Variants in CAMK1D observed in about 807,000 individuals in gnomAD.
The protein encoded by CAMK1D is calcium/calmodulin-dependent protein kinase type 1D.
CAMK1D carries 9 observed loss-of-function variants against 47.7 expected under a neutral mutation model. The ratio of observed to expected loss-of-function variants is 0.19; its 90% CI spans 0.11 to 0.33. CAMK1D has a LOEUF of 0.33. Among genes scored for constraint, CAMK1D ranks in the 10% least tolerant of loss-of-function variants. The probability of loss-of-function intolerance (pLI) is 1.00; values close to 1 mark genes in which losing one functional copy is unlikely to be tolerated. For synonymous variants in CAMK1D, 184 were observed against 184.9 expected, an observed-to-expected ratio of 0.99 and a Z score of 0.04; for missense variants, 291 against 488.7, an observed-to-expected ratio of 0.60 and a Z score of 3.81.
chr10:12,397,616 G>A (rs978685252), intron 1 of CAMK1D, among the ~76,000 whole-genome samples: 1 of 152,094 alleles, frequency 6.6e-6, no homozygotes, highest in African/African-American at 2.4e-5. Flanking sequence ...TGTGACCCTG[G>A]GGCCTAGGTG....
At chr10:12,439,733 T>C (rs1258216532) in intron 1 of CAMK1D, among the ~76,000 whole-genome samples, 2 of 152,224 alleles carry the variant, frequency 1.3e-5, no homozygotes, top group Non-Finnish European at 2.9e-5. Flanking sequence ...GGAAAGACCT[T>C]AGTGGCCTAG....
intron 3 of CAMK1D, among the ~76,000 whole-genome samples, chr10:12,724,783 C>G (rs1201071275): frequency 6.6e-6 from 1 of 151,966 alleles, no homozygotes; most frequent in African/African-American, 2.4e-5. Context: ...TGGGTCTAGC[C>G]AGGTGACAGA....
chr10:12,515,453 A>T (rs1835176222), intron 1 of CAMK1D, among the ~76,000 whole-genome samples: 1 of 85,472 alleles, frequency 1.2e-5, no homozygotes, highest in South Asian at 4.0e-4. Flanking sequence ...GTTTTAGGGT[A>T]CACGTGCACA....
chr10:12,821,829 G>T (rs1039554687), intron 8 of CAMK1D, among the ~76,000 whole-genome samples: 19 of 152,092 alleles, frequency 1.2e-4, no homozygotes, highest in African/African-American at 4.1e-4. Flanking sequence ...ACAAAAATGA[G>T]CCTGGCATGG....
intron 8 of CAMK1D, among the ~76,000 whole-genome samples, chr10:12,816,714 C>CA (rs1330678147): frequency 3.3e-5 from 5 of 150,778 alleles, no homozygotes; most frequent in African/African-American, 4.9e-5. Context: ...ACTAAAAATA[C>CA]AAAAAAAATT....
At chr10:12,631,337 G>A (rs1483341449) in intron 2 of CAMK1D, among the ~76,000 whole-genome samples, 1 of 152,178 alleles carries the variant, frequency 6.6e-6, no homozygotes, top group Non-Finnish European at 1.5e-5. Context: ...CTAGCTTGCT[G>A]CAGCATGCCT....
intron 1 of CAMK1D, among the ~76,000 whole-genome samples, chr10:12,515,430 C>CTTTTTTTTTTTTTA (rs55728182): frequency 1.1e-4 from 10 of 92,260 alleles, no homozygotes; most frequent in African/African-American, 2.1e-4. Flanking sequence ...TTTTTTTTTT[C>CTTTTTTTTTTTTTA]ATTATACTTT....
At chr10:12,655,755 A>G (rs948940939) in intron 2 of CAMK1D, among the ~76,000 whole-genome samples, 1 of 152,174 alleles carries the variant, frequency 6.6e-6, no homozygotes, top group Admixed American at 6.5e-5. Context: ...GCGTTTCTGT[A>G]TTAGTCCAGG....
chr10:12,450,009 A>G (rs569134250), intron 1 of CAMK1D, among the ~76,000 whole-genome samples: 1 of 151,948 alleles, frequency 6.6e-6, no homozygotes, highest in South Asian at 2.1e-4. Context: ...AAAAAAATAC[A>G]CACGTATATA....
intron 5 of CAMK1D, among the ~76,000 whole-genome samples, chr10:12,773,012 C>T (rs765619652): frequency 1.6e-4 from 24 of 152,194 alleles, no homozygotes; most frequent in Admixed American, 1.1e-3. Context: ...TAAATGTTAC[C>T]TCCTTTGACT....
At chr10:12,389,847 T>C (rs959760609) in intron 1 of CAMK1D, among the ~76,000 whole-genome samples, 20 of 152,084 alleles carry the variant, frequency 1.3e-4, no homozygotes, top group Non-Finnish European at 2.9e-4. Flanking sequence ...TTTTTTTTTT[T>C]TGATGCCTTC....
At chr10:12,658,987 A>G (rs1840197503) in intron 2 of CAMK1D, among the ~76,000 whole-genome samples, 1 of 152,178 alleles carries the variant, frequency 6.6e-6, no homozygotes, top group Non-Finnish European at 1.5e-5. Flanking sequence ...CTGCTTACAG[A>G]TGGCAAAACT....
At chr10:12,424,260 G>A (rs1023094028) in intron 1 of CAMK1D, among the ~76,000 whole-genome samples, 2 of 151,790 alleles carry the variant, frequency 1.3e-5, no homozygotes, top group African/African-American at 4.8e-5. Context: ...CCCTCTCCCC[G>A]ACAAATGTTC....
intron 2 of CAMK1D, among the ~76,000 whole-genome samples, chr10:12,625,306 A>C (rs545706552): frequency 6.9e-6 from 1 of 145,740 alleles, no homozygotes; most frequent in East Asian, 2.1e-4. Flanking sequence ...ATTGCACTCC[A>C]GCCTGGTGAC....
intron 1 of CAMK1D, among the ~76,000 whole-genome samples, chr10:12,525,936 T>C (rs547784168): frequency 2.6e-5 from 4 of 152,280 alleles, no homozygotes; most frequent in African/African-American, 9.6e-5. Context: ...GTATTTTTAG[T>C]AGAGAAGGGG....
intron 1 of CAMK1D, among the ~76,000 whole-genome samples, chr10:12,465,870 ACTCT>A (rs1372170459): frequency 2.6e-5 from 4 of 151,830 alleles, no homozygotes; most frequent in African/African-American, 9.7e-5. Context: ...TGAGACCCAT[ACTCT>A]CTCTTTCTCT....
chr10:12,459,616 G>C (rs1407536421), intron 1 of CAMK1D, among the ~76,000 whole-genome samples: 1 of 152,148 alleles, frequency 6.6e-6, no homozygotes, highest in Non-Finnish European at 1.5e-5. Flanking sequence ...GGTAGATAAT[G>C]TAGATATTTG....
rs914292758 is a variant in CAMK1D at position 12,619,405 on chromosome 10, C to T, written c.225-47331C>T. 7.9e-5 allele frequency among the ~76,000 whole-genome samples: 12 copies of T among 152,088 alleles called. No individual in the cohort carries two copies. In the East Asian group the frequency reaches 1.9e-3, roughly 25 times the overall value. On this transcript the variant is annotated intron_variant, in intron 2 of 10. Coordinates refer to ENST00000619168, the MANE Select transcript of CAMK1D (RefSeq NM_153498.4). The stretch of plus-strand genomic sequence containing the variant: ...TGATGGTCTCAAGTAATTCTTCTGC[C>T]TCAGCCCGAGTAGCTGGGACTGCAA...
chr10:12,597,994 A>G (rs1360100959), intron 2 of CAMK1D, among the ~76,000 whole-genome samples: 1 of 152,238 alleles, frequency 6.6e-6, no homozygotes, highest in Non-Finnish European at 1.5e-5. Flanking sequence ...CAACATGCAC[A>G]GTCCTGTCTT....
Sources: allele counts gnomAD v4.1 joint callset (sites outside exome capture counted in the v4.1 genomes callset), GRCh38; gene constraint gnomAD v4.1.1; transcripts MANE v1.5; gene names NCBI Gene and HGNC (gene_info 2026-07-23, HGNC 2026-07-21).